Variants in NDUFV3 observed in about 807,000 individuals in gnomAD.
NDUFV3 encodes NADH:ubiquinone oxidoreductase subunit V3, also known as NADH dehydrogenase [ubiquinone] flavoprotein 3, mitochondrial.
A neutral mutation model predicts 37.5 loss-of-function variants in NDUFV3; 44 were observed. The ratio of observed to expected loss-of-function variants is 1.17; its 90% confidence interval spans 0.92 to 1.51. NDUFV3 has a LOEUF of 1.51. Among genes scored for constraint, NDUFV3 ranks in the 40% most tolerant of loss-of-function variants. NDUFV3 has a pLI of 0.00. For synonymous variants in NDUFV3, 235 were observed against 239.3 expected (o/e 0.98, Z 0.17); for missense variants, 580 against 580.4 (o/e 1.00, Z 0.01).
In NDUFV3 at chr21:42,911,439, C is replaced by CTTTTTTTTTTTTTTTT. The variant is rs66493713; in HGVS notation, c.*2434_*2449dup. The CTTTTTTTTTTTTTTTT allele has an allele frequency of 1.5e-5, 1 of 67,542 alleles. No individual in the cohort carries two copies. Among genetic ancestry groups the CTTTTTTTTTTTTTTTT allele is most frequent in the Non-Finnish European group, 2.6e-5 (1 of 38,364 alleles). 4.2% of individuals were successfully genotyped at this position (67,542 alleles called of 1,614,324 possible). A position where few individuals can be genotyped will look rare whatever the true frequency, so the allele number is the denominator to read the frequency against. On this transcript the variant is annotated 3_prime_UTR_variant, in exon 4 of 4. Coordinates refer to ENST00000354250, the MANE Select transcript of NDUFV3 (RefSeq NM_021075.4). ...CTAAAATCCACTATGCTAACCCACC[C>CTTTTTTTTTTTTTTTT]TTTTTTTTTTTTTTTTTTTTTTTTT...
At position 42,901,855 on chromosome 21, in the gene NDUFV3, T is replaced by C. The variant is rs1396396867; in HGVS notation, c.170-1327T>C. Among the ~76,000 whole-genome samples, 3 of 152,284 alleles carry C rather than the reference T, an allele frequency of 2.0e-5. No individual in the cohort carries two copies. The East Asian group carries it at 5.8e-4, about 29-fold the overall frequency. On this transcript the variant is annotated intron_variant, in intron 2 of 3. Transcript: ENST00000354250. ...GAACCCAGGCATTCTGGCAGTGCGG[T>C]TTATATTTTAATCACTGTGCTGTCT...
In NDUFV3 at chr21:42,909,381, G is replaced by A. The variant is rs928572163; in HGVS notation, c.*360G>A. The A allele has an allele frequency of 1.9e-5, 6 of 323,628 alleles. No individual in the cohort carries two copies. The highest frequency in any genetic ancestry group is 5.2e-5 in the South Asian group (2 of 38,472). 20.0% of individuals were successfully genotyped at this position (323,628 alleles called of 1,614,324 possible). A position where few individuals can be genotyped will look rare whatever the true frequency, so the allele number is the denominator to read the frequency against. ...GGTCTCGAACTCCTGACCTCAGATGGTCTGCCCACCTCCGCCTCCCAAAGT... is the reference window on the plus strand; with the variant it reads ...GGTCTCGAACTCCTGACCTCAGATGATCTGCCCACCTCCGCCTCCCAAAGT... On this transcript the variant is annotated 3_prime_UTR_variant, in exon 4 of 4. Transcript: ENST00000354250.
At position 42,893,332 on chromosome 21, in the gene NDUFV3, C is replaced by T; in HGVS notation, c.-2C>T. The T allele has an allele frequency of 1.3e-6, 2 of 1,538,270 alleles. No homozygotes were observed. The highest frequency in any genetic ancestry group is 1.7e-6 in the Non-Finnish European group (2 of 1,146,386). On this transcript the variant is annotated 5_prime_UTR_variant, in exon 1 of 4. Coordinates refer to ENST00000354250, the MANE Select transcript of NDUFV3 (RefSeq NM_021075.4). ...CTGCTTGGTGCGCCCGCTGTCACCG[C>T]CATGGCTGCCCCGTGTTTGCTGCGG...
chr21:42,904,207 A>C lies in NDUFV3; in HGVS notation c.1195A>C (p.Lys399Gln). Residue 399 changes from lysine to glutamine, a missense_variant, in exon 3 of 4, where the codon AAG (lysine) becomes CAG (glutamine). Lys to Gln is a moderately conservative substitution (Grantham distance 53). Coordinates refer to ENST00000354250, the MANE Select transcript of NDUFV3 (RefSeq NM_021075.4). ...TTTCCATGAAAAGACAGCAGCGCTG[A>C]AGCTTGAGGCCGAGGGCGAGGCCAT... ...HGFHEKTAAL[K>Q]LEAEGEAMED... 1 of 1,614,066 alleles carries C rather than the reference A, an allele frequency of 6.2e-7. No individual in the cohort carries two copies. Among genetic ancestry groups the C allele is most frequent in the Non-Finnish European group, 8.5e-7 (1 of 1,179,964 alleles).
intron 1 of NDUFV3, 107 bp from the exon 2 acceptor site, chr21:42,896,820 C>CT: frequency 2.5e-6 from 3 of 1,195,398 alleles, no homozygotes; most frequent in Non-Finnish European, 3.5e-6. Context: ...GCCTGGACGA[C>CT]TGAGAGAGAC....
chr21:42,903,887 C>T lies in NDUFV3; in HGVS notation c.875C>T (p.Pro292Leu). ...CCATTTGAAGTTAAAGGACCCTTAC[C>T]TGTCCACACAAAATCAGGGTTGTCT... ...QKPFEVKGPL[P>L]VHTKSGLSAP... The change falls in exon 3 of 4, where the codon CCT becomes CTT. Residue 292 changes from proline (P) to leucine (L), a missense_variant. Physicochemically the swap from Pro to Leu is moderately conservative, Grantham distance 98. Transcript: ENST00000354250. 1.2e-6 allele frequency: 2 copies of T among 1,612,114 alleles called. No homozygotes were observed. The highest frequency in any genetic ancestry group is 1.7e-6 in the Non-Finnish European group (2 of 1,179,354).
At chr21:42,908,820 G>T in intron 3 of NDUFV3, 44 bp from the exon 4 acceptor site, 3 of 1,612,790 alleles carry the variant, frequency 1.9e-6, no homozygotes, top group Non-Finnish European at 2.5e-6. Flanking sequence ...TTCATAAAGA[G>T]CTGTCCTTGT....
chr21:42,897,181 T>C, intron 2 of NDUFV3, 134 bp downstream of exon 2: 2 of 1,009,152 alleles, frequency 2.0e-6, no homozygotes, highest in Non-Finnish European at 3.0e-6. Flanking sequence ...GTCCAGATTA[T>C]ACAAGACACA....
intron 3 of NDUFV3, among the ~76,000 whole-genome samples, chr21:42,905,136 C>T (rs1325196410): frequency 6.6e-6 from 1 of 152,150 alleles, no homozygotes; most frequent in African/African-American, 2.4e-5. Context: ...TTCACTATTT[C>T]TTAACCGGTA....
chr21:42,893,836 C>G (rs2058669373), intron 1 of NDUFV3, among the ~76,000 whole-genome samples: 1 of 152,238 alleles, frequency 6.6e-6, no homozygotes, highest in Non-Finnish European at 1.5e-5. Flanking sequence ...TGGTAACTTA[C>G]TGACAGCCGT....
chr21:42,894,335 T>TATATATAAATATATATATATA (rs2058672608), intron 1 of NDUFV3, among the ~76,000 whole-genome samples: 1 of 39,130 alleles, frequency 2.6e-5, no homozygotes, highest in Non-Finnish European at 4.2e-5. Context: ...AAATACATAT[T>TATATATAAATATATATATATA]ATATATATTA....
Position 42,896,079 on chromosome 21 carries a change from G to A in NDUFV3, c.49-848G>A, listed in dbSNP as rs560002561. Among the ~76,000 whole-genome samples the A allele has an allele frequency of 6.1e-5, 9 of 148,734 alleles. No homozygotes were observed. The East Asian group carries it at 1.8e-3, about 29-fold the overall frequency. On this transcript the variant is annotated intron_variant, in intron 1 of 3. Coordinates refer to ENST00000354250, the MANE Select transcript of NDUFV3 (RefSeq NM_021075.4). ...GCTCACTGCAACCTCCACCTCCTGAGTCTAAGCAATTCTCCTGCCTCAGCC... is the reference window on the plus strand; with the variant it reads ...GCTCACTGCAACCTCCACCTCCTGAATCTAAGCAATTCTCCTGCCTCAGCC...
Position 42,909,167 on chromosome 21 carries a change from G to A in NDUFV3, c.*146G>A, listed in dbSNP as rs1197873028. On this transcript the variant is annotated 3_prime_UTR_variant, in exon 4 of 4. Transcript: ENST00000354250. Reference sequence around the variant, plus strand: ...TTTTTTTTTTTTTTTTTTGAGACAGGGTCTCACTCTGTCACCCAGGCTGGA... The same window carrying A: ...TTTTTTTTTTTTTTTTTTGAGACAGAGTCTCACTCTGTCACCCAGGCTGGA... The A allele has an allele frequency of 1.5e-5, 13 of 839,678 alleles. No homozygotes were observed. Among genetic ancestry groups the A allele is most frequent in the Non-Finnish European group, 2.2e-5 (12 of 550,516 alleles). 52.0% of individuals were successfully genotyped at this position (839,678 alleles called of 1,614,324 possible).
In NDUFV3 at chr21:42,903,983, C is replaced by T. The variant is rs762496246; in HGVS notation, c.971C>T (p.Ala324Val). 1.2e-6 allele frequency: 2 copies of T among 1,614,106 alleles called. No individual in the cohort carries two copies. The highest frequency in any genetic ancestry group is 8.5e-7 in the Non-Finnish European group (1 of 1,180,034). The stretch of plus-strand genomic sequence containing the variant: ...GCCAGAGCAGAGGGGCAGCTGCAAG[C>T]CAGTCCTCCTGGGGCGGCAGAGGGG... ...EEARAEGQLQ[A>V]SPPGAAEGHL... Residue 324 changes from alanine to valine, a missense_variant, in exon 3 of 4, where the codon GCC (alanine) becomes GTC (valine). By Grantham distance (64) the Ala-to-Val change is moderately conservative. Coordinates refer to ENST00000354250, the MANE Select transcript of NDUFV3 (RefSeq NM_021075.4).
intron 1 of NDUFV3, among the ~76,000 whole-genome samples, chr21:42,894,392 T>C (rs1251039857): frequency 2.5e-5 from 1 of 40,154 alleles, no homozygotes; most frequent in Admixed American, 2.6e-4. Context: ...TGTAAATATA[T>C]ATTATATATT....
chr21:42,895,892 G>A (rs1035122955), intron 1 of NDUFV3, among the ~76,000 whole-genome samples: 3 of 151,788 alleles, frequency 2.0e-5, no homozygotes. Context: ...AGTATACCAT[G>A]TGAATGTTTT....
chr21:42,894,003 T>G (rs918976543), intron 1 of NDUFV3, among the ~76,000 whole-genome samples: 6 of 151,872 alleles, frequency 4.0e-5, no homozygotes, highest in Non-Finnish European at 8.8e-5. Flanking sequence ...ATCGCTTGAG[T>G]TCAGGAGTTC....
intron 3 of NDUFV3, among the ~76,000 whole-genome samples, chr21:42,906,662 A>G (rs11909113): frequency 0.011 from 1,607 of 152,340 alleles, 40 homozygotes; most frequent in African/African-American, 0.037. Flanking sequence ...TTCTGTGCGC[A>G]TGCGCAGAGC....
In NDUFV3 at chr21:42,896,357, C is replaced by T. The variant is rs369531995; in HGVS notation, c.49-570C>T. Among the ~76,000 whole-genome samples, 22 of 146,342 alleles carry T rather than the reference C, an allele frequency of 1.5e-4. 1 individual carries two copies. In the South Asian group the frequency reaches 2.2e-3, roughly 15 times the overall value. On this transcript the variant is annotated intron_variant, in intron 1 of 3. Transcript: ENST00000354250. Reference sequence around the variant, plus strand: ...ATTTTTAGTAGAGACGGGGTTTCACCGTGTTAGCCAGGATAGTCTCGATCT... The same window carrying T: ...ATTTTTAGTAGAGACGGGGTTTCACTGTGTTAGCCAGGATAGTCTCGATCT...
Sources: allele counts gnomAD v4.1 joint callset (sites outside exome capture counted in the v4.1 genomes callset), GRCh38; gene constraint gnomAD v4.1.1; transcripts MANE v1.5; gene names NCBI Gene and HGNC (gene_info 2026-07-23, HGNC 2026-07-21).